Variants in BCCIP observed in about 807,000 individuals in gnomAD.
BCCIP encodes BRCA2 and CDKN1A interacting protein.
BCCIP carries 23 observed loss-of-function variants against 32.8 expected under a neutral mutation model. That is an observed-to-expected ratio of 0.70 (90% CI 0.51 to 0.99). The LOEUF (loss-of-function observed/expected upper bound fraction) is 0.99, where lower values mean the gene tolerates loss of function less well. Ranked by LOEUF, BCCIP falls within the 50% of genes least tolerant of loss-of-function variation. The pLI is 0.00. For synonymous variants in BCCIP, 144 were observed against 137.6 expected, an observed-to-expected ratio of 1.05 and a Z score of -0.33; for missense variants, 378 against 379.8, an observed-to-expected ratio of 1.00 and a Z score of 0.04.
chr10:125,839,044 G>A, downstream of BCCIP: 2 of 1,614,178 alleles, frequency 1.2e-6, no homozygotes, highest in Non-Finnish European at 1.7e-6. Flanking sequence ...TATGTTTAGA[G>A]TGTTTTCCTT....
Position 125,852,609 on chromosome 10 carries a change from C to T in BCCIP, c.851-516C>T, listed in dbSNP as rs367911803. 57 of 1,612,698 alleles carry T rather than the reference C, an allele frequency of 3.5e-5. No homozygotes were observed. Among genetic ancestry groups the T allele is most frequent in the Admixed American group, 2.7e-4 (16 of 59,652 alleles). On this transcript the variant is annotated intron_variant, in intron 7 of 7. Coordinates refer to the BCCIP transcript ENST00000368759. ...TGGCTCTGGCTGATGGGCTGCATGA[C>T]GAGCGAGTTTGCTCTTATTCTCGGG...
intron 6 of BCCIP, among the ~76,000 whole-genome samples, chr10:125,835,009 T>C (rs1270843263): frequency 2.6e-5 from 4 of 151,594 alleles, no homozygotes; most frequent in Non-Finnish European, 5.9e-5. Flanking sequence ...GGCACGTGCC[T>C]GTAGTCCCAG....
In BCCIP at chr10:125,823,662, G is replaced by A. The variant is rs951090224; in HGVS notation, c.105G>A (p.Glu35=). 1.9e-5 allele frequency: 31 copies of A among 1,614,156 alleles called. No homozygotes were observed. Among genetic ancestry groups the A allele is most frequent in the Non-Finnish European group, 2.5e-5 (30 of 1,180,028 alleles). ...AAGAGGAAAAAGAAGTCGAAAATGAGGATGAAGACGATGATGACAGTGACA... is the reference window on the plus strand; with the variant it reads ...AAGAGGAAAAAGAAGTCGAAAATGAAGATGAAGACGATGATGACAGTGACA... The part of the protein sequence containing the change: ...DEEEEKEVEN[E]DEDDDDSDKE... The change falls in exon 1 of 7, where the codon GAG becomes GAA. Residue 35 remains glutamate (E), a synonymous_variant. Transcript: ENST00000278100.
downstream of BCCIP, chr10:125,839,283 C>G (rs1348102968): frequency 7.6e-7 from 1 of 1,310,400 alleles, no homozygotes; most frequent in Non-Finnish European, 1.0e-6. Context: ...GCCCTGTGCT[C>G]TCCTCTCCTA....
At chr10:125,852,890 TCTG>T (rs1420223386) in intron 7 of BCCIP, among the ~76,000 whole-genome samples, 1 of 152,242 alleles carries the variant, frequency 6.6e-6, no homozygotes, top group Non-Finnish European at 1.5e-5. Flanking sequence ...CTTTGTGTCA[TCTG>T]CTGAAATACT....
At chr10:125,829,767 C>T (rs997399619) in intron 3 of BCCIP, among the ~76,000 whole-genome samples, 4 of 152,176 alleles carry the variant, frequency 2.6e-5, no homozygotes, top group Non-Finnish European at 5.9e-5. Context: ...TCTTAGAAGA[C>T]CTAATGGATA....
chr10:125,827,961 A>G (rs1383542249), intron 3 of BCCIP, among the ~76,000 whole-genome samples: 1 of 115,376 alleles, frequency 8.7e-6, no homozygotes, highest in Non-Finnish European at 1.7e-5. Context: ...GCAAGACCCT[A>G]TATCTGAAAA....
In BCCIP at chr10:125,823,719, C is replaced by T. The variant is rs1394464746; in HGVS notation, c.162C>T (p.Asp54=). ...AGGATGAAGAGGACGAGGTCATTGA[C>T]GAGGTGAGAAGGACACGCTCCCCTA... ...KEKDEEDEVI[D]EEVNIEFEAY... The change falls in exon 1 of 7, where the codon GAC becomes GAT. Residue 54 remains aspartate (D), a synonymous_variant. Coordinates refer to ENST00000278100, the MANE Select transcript of BCCIP (RefSeq NM_078468.3). 3 of 1,613,916 alleles carry T rather than the reference C, an allele frequency of 1.9e-6. No homozygotes were observed. Among genetic ancestry groups the T allele is most frequent in the Non-Finnish European group, 2.5e-6 (3 of 1,179,956 alleles).
chr10:125,823,583 CCG>C lies in BCCIP; in HGVS notation c.27_28del (p.Val10GlyfsTer25), dbSNP rs1564814512. 3.1e-6 allele frequency: 5 copies of C among 1,613,776 alleles called. No homozygotes were observed. The African/African-American group carries it at 5.3e-5, about 17-fold the overall frequency. On this transcript the variant is annotated frameshift_variant, in exon 1 of 7. Coordinates refer to ENST00000278100, the MANE Select transcript of BCCIP (RefSeq NM_078468.3). LOFTEE classifies it high-confidence loss of function. The stretch of plus-strand genomic sequence containing the variant: ...ATGGCGTCCAGGTCTAAGCGGCGTG[CCG>C]TGGAAAGTGGGGTTCCGCAGCCGCC...
At chr10:125,831,722 G>A (rs1414424519) in intron 5 of BCCIP, 115 bp downstream of exon 5, 2 of 1,047,226 alleles carry the variant, frequency 1.9e-6, no homozygotes, top group Non-Finnish European at 2.7e-6. Flanking sequence ...TGGTTTAAGT[G>A]GGTTTAGTGT....
chr10:125,848,735 G>A (rs1000778407), intron 7 of BCCIP, among the ~76,000 whole-genome samples: 4 of 152,148 alleles, frequency 2.6e-5, no homozygotes, highest in African/African-American at 9.7e-5. Context: ...GCAGCTCAGG[G>A]CCCCTGTGGT....
intron 6 of BCCIP, among the ~76,000 whole-genome samples, chr10:125,834,825 C>CAAAA (rs1439205869): frequency 6.2e-4 from 47 of 75,716 alleles, no homozygotes; most frequent in African/African-American, 1.0e-3. Flanking sequence ...AACAAACAAA[C>CAAAA]AAACAAAAAA....
downstream of BCCIP, among the ~76,000 whole-genome samples, chr10:125,843,472 C>T (rs937503363): frequency 3.9e-5 from 6 of 152,006 alleles, no homozygotes; most frequent in South Asian, 4.1e-4. Flanking sequence ...ATTAGCCGGG[C>T]GTGGTGGCAG....
chr10:125,840,083 C>T (rs753820032), downstream of BCCIP, among the ~76,000 whole-genome samples: 3 of 152,210 alleles, frequency 2.0e-5, no homozygotes, highest in African/African-American at 7.2e-5. Flanking sequence ...CACCATCTTT[C>T]AGAACAAAGG....
intron 4 of BCCIP, among the ~76,000 whole-genome samples, chr10:125,830,860 AG>A (rs1564818288): frequency 1.3e-5 from 2 of 152,180 alleles, no homozygotes; most frequent in Non-Finnish European, 2.9e-5. Flanking sequence ...CCTGTGGTTT[AG>A]GGAATCATCT....
chr10:125,842,123 G>A, exon 7 of BCCIP: 1 of 746,394 alleles, frequency 1.3e-6, no homozygotes. Context: ...CAGGAGGGGA[G>A]CCCTGTGATT....
chr10:125,846,892 T>C (rs1017973164), downstream of BCCIP, among the ~76,000 whole-genome samples: 4 of 152,202 alleles, frequency 2.6e-5, no homozygotes, highest in Non-Finnish European at 2.9e-5. Flanking sequence ...GCTAAGACTC[T>C]GCCCAGTTCC....
downstream of BCCIP, among the ~76,000 whole-genome samples, chr10:125,837,625 A>G (rs891160416): frequency 2.0e-5 from 3 of 152,014 alleles, no homozygotes; most frequent in South Asian, 2.1e-4. Context: ...GGGTCTTGCT[A>G]TGTTGCCAGG....
At position 125,852,207 on chromosome 10, in the gene BCCIP, C is replaced by T. The variant is rs527402756; in HGVS notation, c.851-918C>T. 7 of 1,504,904 alleles carry T rather than the reference C, an allele frequency of 4.7e-6. No homozygotes were observed. In the Admixed American group the frequency reaches 5.9e-5, roughly 13 times the overall value. 93.2% of individuals were successfully genotyped at this position (1,504,904 alleles called of 1,614,324 possible). A position where few individuals can be genotyped will look rare whatever the true frequency, so the allele number is the denominator to read the frequency against. ...CCCTCCATGCTTGTGTGCATTGCTG[C>T]GCATCATGTGAACTCAGGACAGAGA... On this transcript the variant is annotated intron_variant, in intron 7 of 7. Transcript: ENST00000368759.
Sources: gnomAD v4.1 joint callset for allele counts (sites outside exome capture counted in the v4.1 genomes callset) on GRCh38, gnomAD v4.1.1 for gene constraint, MANE v1.5 for transcripts, NCBI Gene and HGNC (gene_info 2026-07-23, HGNC 2026-07-21) for gene names.